Variants in GATAD1 observed in about 807,000 individuals in gnomAD.
The protein encoded by GATAD1 is GATA zinc finger domain-containing protein 1.
GATAD1 carries 12 observed loss-of-function variants against 26.5 expected under a neutral mutation model. That is an observed-to-expected ratio of 0.45 (90% confidence interval 0.29 to 0.73). The LOEUF is 0.73. Among genes scored for constraint, GATAD1 ranks in the 30% least tolerant of loss-of-function variants. The probability of loss-of-function intolerance (pLI) is 0.10; values close to 1 mark genes in which losing one functional copy is unlikely to be tolerated. For missense variants in GATAD1, 266 were observed against 342.1 expected (o/e 0.78, Z 1.75); for synonymous variants, 129 against 133.1 (o/e 0.97, Z 0.21).
downstream of GATAD1, among the ~76,000 whole-genome samples, chr7:92,463,675 A>AAAG (rs1790002871): frequency 6.6e-6 from 1 of 150,652 alleles, no homozygotes; most frequent in South Asian, 2.1e-4. Flanking sequence ...AAAAAAAAAA[A>AAAG]AAAAGGTTGA....
the GATAD1 span, among the ~76,000 whole-genome samples, chr7:92,480,224 G>A: frequency 3.9e-5 from 6 of 152,078 alleles, no homozygotes; most frequent in South Asian, 2.1e-4. Flanking sequence ...AAGGAATTAT[G>A]TCTGACAGAA....
chr7:92,449,677 T>C, intron 2 of GATAD1: 1 of 895,240 alleles, frequency 1.1e-6, no homozygotes, highest in Non-Finnish European at 1.3e-6. Context: ...TATTTTCTTT[T>C]TTTTTTTTTA....
the GATAD1 span, chr7:92,493,965 C>G: frequency 1.3e-4 from 38 of 299,986 alleles, no homozygotes; most frequent in African/African-American, 8.1e-4. Context: ...GATTCTGTAT[C>G]AGAGTTTTTT....
At chr7:92,478,312 G>T in the GATAD1 span, among the ~76,000 whole-genome samples, 1 of 152,198 alleles carries the variant, frequency 6.6e-6, no homozygotes, top group African/African-American at 2.4e-5. Flanking sequence ...ACAAATGACT[G>T]CAGTGAAGAT....
chr7:92,489,052 A>G, the GATAD1 span, among the ~76,000 whole-genome samples: 2 of 152,228 alleles, frequency 1.3e-5, no homozygotes, highest in Admixed American at 1.3e-4. Context: ...CTAAAATTAA[A>G]TGAGTCCATT....
the GATAD1 span, chr7:92,492,890 T>A: frequency 1.5e-5 from 20 of 1,297,694 alleles, no homozygotes; most frequent in Non-Finnish European, 2.0e-5. Flanking sequence ...AAGGTGGAAA[T>A]TTTGACATTG....
the GATAD1 span, among the ~76,000 whole-genome samples, chr7:92,484,483 C>T: frequency 1.2e-4 from 18 of 152,156 alleles, no homozygotes; most frequent in Non-Finnish European, 1.6e-4. Flanking sequence ...ATCAGGCAGG[C>T]GTCCCCGCAG....
At chr7:92,456,185 C>G (rs1032791810) in intron 4 of GATAD1, among the ~76,000 whole-genome samples, 187 bp from the exon 5 acceptor site, 1 of 152,038 alleles carries the variant, frequency 6.6e-6, no homozygotes, top group African/African-American at 2.4e-5. Context: ...TGGGAGAATG[C>G]CATATTCTTT....
chr7:92,474,182 C>T, the GATAD1 span, among the ~76,000 whole-genome samples: 1 of 152,184 alleles, frequency 6.6e-6, no homozygotes, highest in East Asian at 1.9e-4. Context: ...TCCGCCTGCT[C>T]CTCCTGATCT....
At chr7:92,477,799 G>T in the GATAD1 span, 1 of 181,414 alleles carries the variant, frequency 5.5e-6, no homozygotes, top group South Asian at 1.5e-4. Context: ...CTGCGGTGGT[G>T]GCAAACAGCA....
chr7:92,469,145 T>C, the GATAD1 span: 1 of 704,290 alleles, frequency 1.4e-6, no homozygotes, highest in South Asian at 1.5e-5. Context: ...TCAGTGACGA[T>C]TCCGGATTGA....
At chr7:92,471,207 C>G in the GATAD1 span, 2 of 167,050 alleles carry the variant, frequency 1.2e-5, no homozygotes, top group Non-Finnish European at 2.9e-5. Context: ...ATACTGAAAT[C>G]CCTGAGGTTT....
the GATAD1 span, chr7:92,470,853 C>G: frequency 6.0e-6 from 1 of 167,926 alleles, no homozygotes; most frequent in African/African-American, 2.4e-5. Context: ...GGGAAAGTTG[C>G]AGATTCTTTT....
At chr7:92,454,892 T>G (rs1458901244) in intron 4 of GATAD1, among the ~76,000 whole-genome samples, 1 of 152,118 alleles carries the variant, frequency 6.6e-6, no homozygotes, top group Non-Finnish European at 1.5e-5. Flanking sequence ...GAGGCTTTTC[T>G]TCCTGGCATA....
At chr7:92,491,197 G>A in the GATAD1 span, 544 of 1,019,164 alleles carry the variant, frequency 5.3e-4, 1 homozygote, top group Non-Finnish European at 7.9e-4. Context: ...CTGGTTAGGA[G>A]AGAAATCACT....
chr7:92,450,934 C>T lies in GATAD1; in HGVS notation c.435+174C>T, dbSNP rs112895368. On this transcript the variant is annotated intron_variant, in intron 3 of 4. Transcript: ENST00000287957. The stretch of plus-strand genomic sequence containing the variant: ...ATAAGTGGCTGTTATTAAAACATCT[C>T]ATCTAGAGCTGAAGTGGGAGGAGAA... 8.9e-4 allele frequency among the ~76,000 whole-genome samples: 135 copies of T among 152,304 alleles called. 2 individuals are homozygous for T. Among genetic ancestry groups the T allele is most frequent in the African/African-American group, 3.1e-3 (128 of 41,566 alleles).
intron 3 of GATAD1, among the ~76,000 whole-genome samples, chr7:92,452,434 C>G (rs932945986): frequency 1.3e-4 from 20 of 152,230 alleles, no homozygotes; most frequent in Non-Finnish European, 2.9e-4. Flanking sequence ...GAGCCCAGAT[C>G]AGGCATGCAA....
the GATAD1 span, among the ~76,000 whole-genome samples, chr7:92,485,600 G>C: frequency 6.6e-6 from 1 of 152,136 alleles, no homozygotes; most frequent in South Asian, 2.1e-4. Flanking sequence ...GACACTCTGG[G>C]GATTATCAGA....
chr7:92,494,621 G>T, the GATAD1 span: 267 of 1,613,952 alleles, frequency 1.7e-4, 1 homozygote, highest in East Asian at 5.8e-3. Flanking sequence ...GGGCTTTGCA[G>T]CCTGTGCTCT....
Sources: allele counts gnomAD v4.1 joint callset (sites outside exome capture counted in the v4.1 genomes callset), GRCh38; gene constraint gnomAD v4.1.1; transcripts MANE v1.5; gene names NCBI Gene and HGNC (gene_info 2026-07-23, HGNC 2026-07-21).